Variants in SLIT2 observed in about 807,000 individuals in gnomAD.
SLIT2 encodes the protein slit homolog 2 protein.
A neutral mutation model predicts 185.7 loss-of-function variants in SLIT2; 41 were observed. That is an observed-to-expected ratio of 0.22 (90% CI 0.17 to 0.29). SLIT2 has a LOEUF of 0.29. Among genes scored for constraint, SLIT2 ranks in the 10% least tolerant of loss-of-function variants. The pLI, the probability that SLIT2 is intolerant of heterozygous loss-of-function variation, is 1.00. For missense variants in SLIT2, 1,571 were observed against 1,909.0 expected, an observed-to-expected ratio of 0.82 and a Z score of 3.30; for synonymous variants, 693 against 680.2, an observed-to-expected ratio of 1.02 and a Z score of -0.29.
intron 4 of SLIT2, among the ~76,000 whole-genome samples, chr4:20,418,437 C>A (rs965293409): frequency 6.6e-6 from 1 of 152,038 alleles, no homozygotes; most frequent in African/African-American, 2.4e-5. Context: ...AAAGAAACAC[C>A]AGTAATGAAA....
chr4:20,270,786 A>G (rs1713525467), intron 4 of SLIT2, among the ~76,000 whole-genome samples: 1 of 152,008 alleles, frequency 6.6e-6, no homozygotes, highest in South Asian at 2.1e-4. Context: ...ATTTGACATC[A>G]GATTTAGGCA....
rs1053122141 is a variant in SLIT2 at position 20,395,590 on chromosome 4, G to A, written c.396-72162G>A. On this transcript the variant is annotated intron_variant, in intron 4 of 36. Transcript: ENST00000504154. The stretch of plus-strand genomic sequence containing the variant: ...TTCCTGGTCAGTTTAAATAATCATA[G>A]CATCATTGGCTGAAGTGCAAATAAA... Among the ~76,000 whole-genome samples the A allele has an allele frequency of 5.3e-5, 8 of 152,080 alleles. No individual in the cohort carries two copies. The South Asian group carries it at 1.0e-3, about 20-fold the overall frequency.
At chr4:20,412,428 G>A (rs943938466) in intron 4 of SLIT2, among the ~76,000 whole-genome samples, 2 of 152,024 alleles carry the variant, frequency 1.3e-5, no homozygotes, top group Non-Finnish European at 2.9e-5. Context: ...ACAATTTACT[G>A]CATATTTTAT....
intron 4 of SLIT2, among the ~76,000 whole-genome samples, chr4:20,463,741 T>C (rs1714038378): frequency 1.3e-5 from 2 of 150,768 alleles, no homozygotes; most frequent in African/African-American, 4.9e-5. Flanking sequence ...CCGGGCTTGG[T>C]GGCGGGTGCC....
At position 20,519,039 on chromosome 4, in the gene SLIT2, T is replaced by A. The variant is rs146668442; in HGVS notation, c.1059-343T>A. On this transcript the variant is annotated intron_variant, in intron 11 of 36. Coordinates refer to ENST00000504154, the MANE Select transcript of SLIT2 (RefSeq NM_004787.4). The stretch of plus-strand genomic sequence containing the variant: ...ATTCTACACTTAGCATTCTTCTTTG[T>A]CATATATAGTGTGCTCTCATTACAT... 8.9e-4 allele frequency among the ~76,000 whole-genome samples: 136 copies of A among 152,334 alleles called. 1 individual carries two copies. The highest frequency in any genetic ancestry group is 2.7e-3 in the African/African-American group (113 of 41,564).
chr4:20,255,794 C>G (rs1309610710), intron 1 of SLIT2, among the ~76,000 whole-genome samples: 9 of 152,144 alleles, frequency 5.9e-5, no homozygotes, highest in African/African-American at 2.2e-4. Flanking sequence ...TTGTAAAATT[C>G]TATCATTGAA....
intron 22 of SLIT2, among the ~76,000 whole-genome samples, chr4:20,547,565 A>T (rs1359599047): frequency 2.0e-5 from 3 of 152,008 alleles, no homozygotes; most frequent in African/African-American, 7.2e-5. Flanking sequence ...ACATTTTGAT[A>T]TTTTAATAAA....
At chr4:20,356,966 A>G (rs1577492758) in intron 4 of SLIT2, among the ~76,000 whole-genome samples, 1 of 152,320 alleles carries the variant, frequency 6.6e-6, no homozygotes, top group East Asian at 1.9e-4. Flanking sequence ...CAAGTTTAAA[A>G]CAAAACAAAA....
intron 33 of SLIT2, among the ~76,000 whole-genome samples, chr4:20,606,931 A>G (rs895886623): frequency 6.6e-6 from 1 of 152,180 alleles, no homozygotes; most frequent in Non-Finnish European, 1.5e-5. Flanking sequence ...GTCTAGGAAT[A>G]GGTATTCCTC....
intron 4 of SLIT2, among the ~76,000 whole-genome samples, chr4:20,401,168 A>G (rs540869901): frequency 2.6e-5 from 4 of 152,020 alleles, no homozygotes; most frequent in South Asian, 2.1e-4. Context: ...AGAAATGAAT[A>G]AAGTCTAAGT....
chr4:20,376,115 CTTTTT>C (rs71653881), intron 4 of SLIT2, among the ~76,000 whole-genome samples: 4 of 79,654 alleles, frequency 5.0e-5, no homozygotes, highest in African/African-American at 1.6e-4. Flanking sequence ...CATTGTTTAA[CTTTTT>C]TTTTTTTTTT....
rs922775035 is a variant in SLIT2, at chr4:20,519,557, GAT to G, written c.1130+106_1130+107del. On this transcript the variant is annotated intron_variant, in intron 12 of 36. Transcript: ENST00000504154. ...GCCTTGGAAAAATTTGACTCAAAAT[GAT>G]ACAGTTTAACAAAATAGAAAAGAGT... is the stretch of plus-strand genomic sequence containing the variant. 10 of 681,716 alleles carry G rather than the reference GAT, an allele frequency of 1.5e-5. No homozygotes were observed. In the Admixed American group the frequency reaches 2.7e-4, roughly 18 times the overall value. The allele number at this position is 681,716 out of a possible 1,614,324, so 42.2% of individuals were successfully genotyped here.
chr4:20,263,450 G>GTACTCT, intron 3 of SLIT2, among the ~76,000 whole-genome samples: 1 of 151,788 alleles, frequency 6.6e-6, no homozygotes, highest in Admixed American at 6.6e-5. Context: ...TGAGGTTCTA[G>GTACTCT]AGTAAAAGCA....
intron 4 of SLIT2, among the ~76,000 whole-genome samples, chr4:20,410,309 C>T (rs1313277092): frequency 6.4e-5 from 8 of 125,266 alleles, no homozygotes; most frequent in South Asian, 5.1e-4. Flanking sequence ...AGTGCAGTGG[C>T]GCAATCTTGG....
chr4:20,258,871 A>T (rs1038890700), intron 3 of SLIT2, among the ~76,000 whole-genome samples: 1 of 151,696 alleles, frequency 6.6e-6, no homozygotes, highest in African/African-American at 2.4e-5. Flanking sequence ...TTTTTCAAAA[A>T]ATAATAAAAT....
intron 9 of SLIT2, among the ~76,000 whole-genome samples, chr4:20,494,505 A>G (rs1718050760): frequency 6.6e-6 from 1 of 152,162 alleles, no homozygotes; most frequent in Non-Finnish European, 1.5e-5. Context: ...GGCTGGGTGC[A>G]GTGGCTCACG....
At chr4:20,368,235 G>GAAAAAAAAAAAAA (rs942235918) in intron 4 of SLIT2, among the ~76,000 whole-genome samples, 2 of 105,474 alleles carry the variant, frequency 1.9e-5, no homozygotes, top group South Asian at 3.0e-4. Flanking sequence ...AAAAAAAAAA[G>GAAAAAAAAAAAAA]AAAAAAAAGA....
At chr4:20,339,084 C>A (rs1720744946) in intron 4 of SLIT2, among the ~76,000 whole-genome samples, 1 of 95,274 alleles carries the variant, frequency 1.0e-5, no homozygotes. Context: ...TAAAGTGAGA[C>A]ACTCTCAAAA....
chr4:20,550,933 C>G (rs938010853), intron 25 of SLIT2, 35 bp downstream of exon 25: 1 of 1,159,050 alleles, frequency 8.6e-7, no homozygotes, highest in Non-Finnish European at 1.3e-6. Flanking sequence ...GGTTTAGGGT[C>G]AAACACTTCC....
Sources: gnomAD v4.1 joint callset for allele counts (sites outside exome capture counted in the v4.1 genomes callset) on GRCh38, gnomAD v4.1.1 for gene constraint, MANE v1.5 for transcripts, NCBI Gene and HGNC (gene_info 2026-07-23, HGNC 2026-07-21) for gene names.